The following SPDYE5 variants were observed in gnomAD, a reference collection of about 807,000 sequenced individuals.
SPDYE5 encodes speedy protein E5.
In SPDYE5, 15 loss-of-function variants were observed where a neutral mutation model predicts 48.5. The observed-to-expected ratio is 0.31, with a 90% confidence interval of 0.21 to 0.48. The LOEUF (loss-of-function observed/expected upper bound fraction) is 0.48, where lower values mean the gene tolerates loss of function less well. Ranked by LOEUF, SPDYE5 falls within the 20% of genes least tolerant of loss-of-function variation. The pLI is 0.99. For missense variants in SPDYE5, 331 were observed against 549.1 expected (o/e 0.60, Z 3.97); for synonymous variants, 116 against 200.7 (o/e 0.58, Z 3.57).
At chr7:75,493,418 AG>A (rs1792807645) in intron 1 of SPDYE5, among the ~76,000 whole-genome samples, 1 of 151,564 alleles carries the variant, frequency 6.6e-6, no homozygotes, top group Non-Finnish European at 1.5e-5. Flanking sequence ...AGTGAATGTG[AG>A]TAAACATTCG....
chr7:75,501,841 G>A (rs782631570), intron 7 of SPDYE5, 37 bp from the exon 8 acceptor site: 18 of 1,611,746 alleles, frequency 1.1e-5, no homozygotes, highest in African/African-American at 2.7e-5. Flanking sequence ...GTATCCTGGC[G>A]AGTCCCCGTC....
At chr7:75,500,592 G>C (rs1372020336) in intron 6 of SPDYE5, among the ~76,000 whole-genome samples, 1 of 150,988 alleles carries the variant, frequency 6.6e-6, no homozygotes, top group African/African-American at 2.4e-5. Flanking sequence ...GGAGTGCAGT[G>C]GTGAGATCAT....
chr7:75,497,145 G>A (rs76278283), intron 4 of SPDYE5, among the ~76,000 whole-genome samples: 2 of 151,594 alleles, frequency 1.3e-5, no homozygotes, highest in Non-Finnish European at 2.9e-5. Flanking sequence ...AGTGGCTCCT[G>A]CCTGAGATCC....
intron 6 of SPDYE5, among the ~76,000 whole-genome samples, chr7:75,500,668 C>T (rs587757894): frequency 9.5e-4 from 145 of 151,990 alleles, no homozygotes; most frequent in African/African-American, 3.1e-3. Flanking sequence ...TTATTAGCTC[C>T]GACTACAGGG....
At chr7:75,495,933 G>T (rs1413412443) in intron 3 of SPDYE5, among the ~76,000 whole-genome samples, 1 of 150,900 alleles carries the variant, frequency 6.6e-6, no homozygotes, top group Non-Finnish European at 1.5e-5. Context: ...GGGAGGCTGA[G>T]ACAGGATAAT....
chr7:75,499,818 A>G (rs1226869368), intron 6 of SPDYE5, among the ~76,000 whole-genome samples: 7 of 130,876 alleles, frequency 5.3e-5, no homozygotes, highest in Admixed American at 2.3e-4. Flanking sequence ...CTCCAATGCC[A>G]GTGTACAAAT....
At position 75,492,429 on chromosome 7, in the gene SPDYE5, A is replaced by G. The variant is rs782189247; in HGVS notation, c.-434A>G. Among the ~76,000 whole-genome samples, 3 of 152,054 alleles carry G rather than the reference A, an allele frequency of 2.0e-5. No homozygotes were observed. The highest frequency in any genetic ancestry group is 7.2e-5 in the African/African-American group (3 of 41,382). On this transcript the variant is annotated 5_prime_UTR_variant, in exon 1 of 9. Transcript: ENST00000625065. ...GCAGCCCATTAGGAAAACGTGTGGG[A>G]ACTCACTCGCAGGTTCTTTATTTTT...
intron 3 of SPDYE5, among the ~76,000 whole-genome samples, chr7:75,495,616 C>T (rs1332033881): frequency 6.6e-5 from 10 of 152,338 alleles, no homozygotes; most frequent in South Asian, 6.2e-4. Context: ...CAGTGGCTCA[C>T]GCCTGAGATC....
chr7:75,501,675 G>C lies in SPDYE5; in HGVS notation c.1069G>C (p.Val357Leu), dbSNP rs1793163567. ...LRARKNRSQI[V>L]LFQKRRFQFF... ...GGCCAGGAAGAACCGCTCTCAGATAGTCCTGTTCCAGAAACGTCGGTTCCA... is the reference window on the plus strand; with the variant it reads ...GGCCAGGAAGAACCGCTCTCAGATACTCCTGTTCCAGAAACGTCGGTTCCA... The change falls in exon 7 of 9, where the codon GTC (valine) becomes CTC (leucine). Residue 357 changes from valine (V) to leucine (L), a missense_variant. Val to Leu is a conservative substitution (Grantham distance 32). This residue lies in a region of SPDYE5 where 101 missense variants were observed against 104.0 expected (regional missense o/e 0.97). Coordinates refer to ENST00000625065, the MANE Select transcript of SPDYE5 (RefSeq NM_001306141.4). The C allele has an allele frequency of 3.7e-6, 6 of 1,613,706 alleles. No homozygotes were observed. The highest frequency in any genetic ancestry group is 5.1e-6 in the Non-Finnish European group (6 of 1,180,036).
intron 6 of SPDYE5, among the ~76,000 whole-genome samples, chr7:75,500,813 A>G (rs1554483311): frequency 6.6e-6 from 1 of 152,022 alleles, no homozygotes; most frequent in African/African-American, 2.4e-5. Flanking sequence ...GGTTCACACA[A>G]TTCTTATGCT....
Position 75,501,969 on chromosome 7 carries a change from C to A in SPDYE5, c.*32C>A, listed in dbSNP as rs1251475583. ...AGGGACCGTGGAGGCCTGAGGTCAT[C>A]GGCCTGAGAGAAGGTACATCTGCAT... On this transcript the variant is annotated 3_prime_UTR_variant, in exon 8 of 9. Coordinates refer to ENST00000625065, the MANE Select transcript of SPDYE5 (RefSeq NM_001306141.4). 1 of 1,583,894 alleles carries A rather than the reference C, an allele frequency of 6.3e-7. No individual in the cohort carries two copies. The highest frequency in any genetic ancestry group is 1.3e-5 in the African/African-American group (1 of 74,602).
chr7:75,501,322 T>C (rs1554483383), intron 6 of SPDYE5, 40 bp from the exon 7 acceptor site: 1 of 1,611,494 alleles, frequency 6.2e-7, no homozygotes, highest in East Asian at 2.2e-5. Flanking sequence ...AGGCCTCTCT[T>C]GGTGGTGCCC....
intron 8 of SPDYE5, among the ~76,000 whole-genome samples, chr7:75,502,244 CAG>C (rs1793186624): frequency 7.1e-6 from 1 of 140,562 alleles, no homozygotes; most frequent in Non-Finnish European, 1.5e-5. Flanking sequence ...GCCCGGGCGA[CAG>C]AGTGAGACCC....
rs371328958 is a variant in SPDYE5, at chr7:75,496,756, G to A, written c.462G>A (p.Ser154=). 1.5e-3 allele frequency: 2,354 copies of A among 1,584,490 alleles called. 14 individuals carry two copies. In the African/African-American group the frequency reaches 0.025, roughly 17 times the overall value. The change falls in exon 4 of 9, where the codon TCG becomes TCA. Residue 154 remains serine, a synonymous_variant. Coordinates refer to ENST00000625065, the MANE Select transcript of SPDYE5 (RefSeq NM_001306141.4). ...AGTGGTGGGACGAATCTGAGGAGTC[G>A]TTGGAGGAGGAGCCACGGAAGGTGC... ...KMEWWDESEE[S]LEEEPRKVLA...
At chr7:75,497,182 G>A (rs185868850) in intron 4 of SPDYE5, among the ~76,000 whole-genome samples, 1 of 150,982 alleles carries the variant, frequency 6.6e-6, no homozygotes, top group African/African-American at 2.4e-5. Context: ...TGAGGCAAGA[G>A]GATTGCTTGA....
At position 75,504,154 on chromosome 7, in the gene SPDYE5, G is replaced by A. The variant is rs1554484025; in HGVS notation, c.*1367G>A. ...TATATGTTTGAAATGTGAGAATTCA[G>A]GTGTAATTTTTTACCTTGTTTTGGC... On this transcript the variant is annotated 3_prime_UTR_variant, in exon 9 of 9. Transcript: ENST00000625065. 1 of 152,070 alleles carries A rather than the reference G, an allele frequency of 6.6e-6. No homozygotes were observed. The highest frequency in any genetic ancestry group is 1.5e-5 in the Non-Finnish European group (1 of 68,028). The allele number at this position is 152,070 out of a possible 1,614,324, so 9.4% of individuals were successfully genotyped here.
chr7:75,501,526 C>T lies in SPDYE5; in HGVS notation c.920C>T (p.Pro307Leu), dbSNP rs879963984. The T allele has an allele frequency of 6.6e-7, 1 of 1,508,256 alleles. No individual in the cohort carries two copies. The highest frequency in any genetic ancestry group is 1.4e-5 in the African/African-American group (1 of 70,552). The allele number at this position is 1,508,256 out of a possible 1,614,324, so 93.4% of individuals were successfully genotyped here. The change falls in exon 7 of 9, where the codon CCC becomes CTC. Residue 307 changes from proline to leucine, a missense_variant. Physicochemically the swap from Pro to Leu is moderately conservative, Grantham distance 98. Transcript: ENST00000625065. The part of the protein sequence containing the change: ...PRARKKRSRI[P>L]LLRKRRFQLG... Reference sequence around the variant, plus strand: ...GCCAGGAAGAAGCGCTCTCGCATACCCTTGCTCCGTAAGCGTCGGTTCCAG... The same window carrying T: ...GCCAGGAAGAAGCGCTCTCGCATACTCTTGCTCCGTAAGCGTCGGTTCCAG...
intron 6 of SPDYE5, among the ~76,000 whole-genome samples, chr7:75,499,660 G>A (rs1344516373): frequency 2.0e-5 from 3 of 150,242 alleles, no homozygotes; most frequent in Admixed American, 1.3e-4. Flanking sequence ...CCAGCTACTC[G>A]AGAGGCTGAG....
At chr7:75,496,008 G>C (rs1357159585) in intron 3 of SPDYE5, among the ~76,000 whole-genome samples, 1 of 142,406 alleles carries the variant, frequency 7.0e-6, no homozygotes, top group African/African-American at 2.7e-5. Flanking sequence ...TTTTTGAGAC[G>C]CTGTGTCAAA....
Sources: gnomAD v4.1 joint callset for allele counts (sites outside exome capture counted in the v4.1 genomes callset) on GRCh38, gnomAD v4.1.1 for gene constraint, gnomAD v4.1.1 regional missense constraint, MANE v1.5 for transcripts, NCBI Gene and HGNC (gene_info 2026-07-23, HGNC 2026-07-21) for gene names.